The following CLDN19 variants were observed in gnomAD, a reference collection of about 807,000 sequenced individuals.
The protein encoded by CLDN19 is claudin 19.
Under a neutral mutation model 24.5 loss-of-function variants are expected in CLDN19, and 19 were observed. That is an observed-to-expected ratio of 0.78 (90% confidence interval 0.54 to 1.14). The LOEUF (loss-of-function observed/expected upper bound fraction) is 1.14. Ranked by LOEUF, CLDN19 falls within the 50% of genes most tolerant of loss-of-function variation. CLDN19 has a pLI of 0.00. For synonymous variants in CLDN19, 117 were observed against 129.6 expected, an observed-to-expected ratio of 0.90 and a Z score of 0.66; for missense variants, 250 against 295.9, an observed-to-expected ratio of 0.84 and a Z score of 1.14.
chr1:42,739,976 A>G lies in CLDN19; in HGVS notation c.88T>C (p.Trp30Arg). 1 of 1,595,690 alleles carries G rather than the reference A, an allele frequency of 6.3e-7. No individual in the cohort carries two copies. Among genetic ancestry groups the G allele is most frequent in the Non-Finnish European group, 8.5e-7 (1 of 1,171,112 alleles). Residue 30 changes from tryptophan to arginine, a missense_variant, in exon 1 of 5, where the codon TGG becomes CGG. Trp to Arg is a moderately radical substitution (Grantham distance 101). Coordinates refer to ENST00000296387, the MANE Select transcript of CLDN19 (RefSeq NM_148960.3). ...TCGCCTGCGTAGGAAGACTGCTTCC[A>G]CTGTGGCAGGGCTGTGCTAGCAATG... Reference protein sequence around the residue: ...GIIASTALPQWKQSSYAGDAI... With the variant: ...GIIASTALPQRKQSSYAGDAI...
Position 42,736,003 on chromosome 1 carries a change from C to G in CLDN19, c.501G>C (p.Val167=). ...ARYEFGPALF[V]GWASAGLAVL... ...CGGCCAGGCCAGCTGAGGCCCAGCCCACGAACAGGGCTGGGCCAAATTCAT... is the reference window on the plus strand; with the variant it reads ...CGGCCAGGCCAGCTGAGGCCCAGCCGACGAACAGGGCTGGGCCAAATTCAT... Residue 167 remains valine (V), a synonymous_variant, in exon 4 of 5, where the codon GTG becomes GTC. Coordinates refer to ENST00000296387, the MANE Select transcript of CLDN19 (RefSeq NM_148960.3). 6.3e-7 allele frequency: 1 copy of G among 1,576,522 alleles called. No homozygotes were observed. Among genetic ancestry groups the G allele is most frequent in the South Asian group, 1.2e-5 (1 of 86,066 alleles).
chr1:42,735,227 C>T (rs1651320439), intron 4 of CLDN19, 93 bp from the exon 5 acceptor site: 2 of 1,583,800 alleles, frequency 1.3e-6, no homozygotes, highest in South Asian at 2.3e-5. Context: ...GGGTACTGGC[C>T]AGCGTGGCCA....
chr1:42,739,836 C>A lies in CLDN19; in HGVS notation c.223+5G>T. On this transcript the variant is annotated splice_donor_5th_base_variant and intron_variant, in intron 1 of 4. Transcript: ENST00000296387. ...CATCTCCCACCCCGCCGGCCTGGGG[C>A]CTACCGTCCAGGGCGAGCAGCGAGT... 1 of 1,612,236 alleles carries A rather than the reference C, an allele frequency of 6.2e-7. No individual in the cohort carries two copies. The highest frequency in any genetic ancestry group is 1.1e-5 in the South Asian group (1 of 90,894).
At chr1:42,736,972 C>T (rs1318570194) in intron 3 of CLDN19, among the ~76,000 whole-genome samples, 1 of 152,178 alleles carries the variant, frequency 6.6e-6, no homozygotes, top group Non-Finnish European at 1.5e-5. Context: ...CCTTGCCTCT[C>T]AACACCTCTG....
intron 1 of CLDN19, among the ~76,000 whole-genome samples, chr1:42,739,585 G>C (rs1651483659): frequency 6.6e-6 from 1 of 152,304 alleles, no homozygotes; most frequent in East Asian, 1.9e-4. Flanking sequence ...ATGGGAAGAG[G>C]TTTGGTGACT....
chr1:42,738,895 C>T (rs1651461172), intron 1 of CLDN19, among the ~76,000 whole-genome samples: 1 of 152,130 alleles, frequency 6.6e-6, no homozygotes, highest in African/African-American at 2.4e-5. Context: ...GGCCCATCCT[C>T]CCAAGCAGCT....
Position 42,734,948 on chromosome 1 carries a change from C to G in CLDN19, c.*138G>C. 1 of 742,910 alleles carries G rather than the reference C, an allele frequency of 1.3e-6. No homozygotes were observed. Among genetic ancestry groups the G allele is most frequent in the African/African-American group, 1.7e-5 (1 of 57,766 alleles). The allele number at this position is 742,910 out of a possible 1,614,324, so 46.0% of individuals were successfully genotyped here. A position where few individuals can be genotyped will look rare whatever the true frequency, so the allele number is the denominator to read the frequency against. ...GGGGTCAGCACTGACCACTCTGACA[C>G]AGGCCCCGTCCAAGCCACGCTGAGG... is the stretch of plus-strand genomic sequence containing the variant. On this transcript the variant is annotated 3_prime_UTR_variant, in exon 5 of 5. Coordinates refer to ENST00000296387, the MANE Select transcript of CLDN19 (RefSeq NM_148960.3).
intron 1 of CLDN19, among the ~76,000 whole-genome samples, chr1:42,738,861 G>A (rs1258619299): frequency 6.6e-6 from 1 of 152,110 alleles, no homozygotes; most frequent in Non-Finnish European, 1.5e-5. Flanking sequence ...TTGCTTTCTG[G>A]CCTGGGGACT....
chr1:42,737,722 A>G (rs1000254006), intron 3 of CLDN19, among the ~76,000 whole-genome samples: 3 of 152,192 alleles, frequency 2.0e-5, no homozygotes, highest in Non-Finnish European at 4.4e-5. Context: ...TCACTCTGTC[A>G]CCCAGACTGG....
At chr1:42,735,371 C>T in intron 4 of CLDN19, 1 of 1,435,264 alleles carries the variant, frequency 7.0e-7, no homozygotes, top group South Asian at 1.5e-5. Flanking sequence ...AAACTCAGAC[C>T]CTCCCTGTCC....
At position 42,738,408 on chromosome 1, in the gene CLDN19, G is replaced by A; in HGVS notation, c.388+13C>T. 1 of 1,613,908 alleles carries A rather than the reference G, an allele frequency of 6.2e-7. No homozygotes were observed. The highest frequency in any genetic ancestry group is 1.1e-5 in the South Asian group (1 of 91,080). On this transcript the variant is annotated intron_variant, in intron 2 of 4. Coordinates refer to ENST00000296387, the MANE Select transcript of CLDN19 (RefSeq NM_148960.3). ...GCCATGGTTGTGATTGTGCAGGAGTGAGGGGCACTCACCTGCCAGGATGAA... is the reference window on the plus strand; with the variant it reads ...GCCATGGTTGTGATTGTGCAGGAGTAAGGGGCACTCACCTGCCAGGATGAA...
In CLDN19 at chr1:42,735,154, G is replaced by T. The variant is rs374216538; in HGVS notation, c.627-20C>A. 61 of 1,613,818 alleles carry T rather than the reference G, an allele frequency of 3.8e-5. No individual in the cohort carries two copies. The highest frequency in any genetic ancestry group is 4.8e-5 in the Non-Finnish European group (57 of 1,179,916). ...ACTGGTCTGAAAGTCAAAAGAGAGA[G>T]AGCTGGTTAGTGGAGTGAGCTGTGG... On this transcript the variant is annotated intron_variant, in intron 4 of 4. Coordinates refer to ENST00000296387, the MANE Select transcript of CLDN19 (RefSeq NM_148960.3).
chr1:42,738,087 C>A, intron 3 of CLDN19, 142 bp downstream of exon 3: 1 of 785,480 alleles, frequency 1.3e-6, no homozygotes, highest in Non-Finnish European at 2.2e-6. Flanking sequence ...AGGGCCCCAC[C>A]ACACTCCTCC....
At chr1:42,738,006 C>G (rs1651426209) in intron 3 of CLDN19, among the ~76,000 whole-genome samples, 2 of 152,220 alleles carry the variant, frequency 1.3e-5, no homozygotes, top group South Asian at 4.1e-4. Context: ...AAACCCAGAG[C>G]CAGGGCACTT....
chr1:42,735,751 G>A (rs1651342944), intron 4 of CLDN19, 127 bp downstream of exon 4: 5 of 1,504,588 alleles, frequency 3.3e-6, no homozygotes, highest in African/African-American at 1.4e-5. Context: ...AGGACAAGCT[G>A]CTCAGAGCAC....
chr1:42,737,193 G>A (rs534814044), intron 3 of CLDN19, among the ~76,000 whole-genome samples: 1 of 152,292 alleles, frequency 6.6e-6, no homozygotes, highest in South Asian at 2.1e-4. Flanking sequence ...AGTCTTACAA[G>A]TCCTGGTTAT....
chr1:42,735,667 C>T, intron 4 of CLDN19: 1 of 1,440,694 alleles, frequency 6.9e-7, no homozygotes. Context: ...GTGTGTATGC[C>T]TGGGGGCTGG....
Position 42,738,713 on chromosome 1 carries a change from C to G in CLDN19, c.224-128G>C, listed in dbSNP as rs1210506743. On this transcript the variant is annotated intron_variant, in intron 1 of 4. Transcript: ENST00000296387. ...GAGCTGGCCTGGGGGGTCAGACCACCTTCTGGCAGGTGCAGGATAGTGAGG... is the reference window on the plus strand; with the variant it reads ...GAGCTGGCCTGGGGGGTCAGACCACGTTCTGGCAGGTGCAGGATAGTGAGG... 1.1e-5 allele frequency: 9 copies of G among 816,652 alleles called. No homozygotes were observed. In the South Asian group the frequency reaches 1.5e-4, roughly 13 times the overall value. The allele number at this position is 816,652 out of a possible 1,614,324, so 50.6% of individuals were successfully genotyped here. A position where few individuals can be genotyped will look rare whatever the true frequency, so the allele number is the denominator to read the frequency against.
rs940921614 is a variant in CLDN19, at chr1:42,734,737, G to A, written c.*349C>T. 1 of 257,878 alleles carries A rather than the reference G, an allele frequency of 3.9e-6. No homozygotes were observed. Among genetic ancestry groups the A allele is most frequent in the Non-Finnish European group, 7.6e-6 (1 of 131,630 alleles). 16.0% of individuals were successfully genotyped at this position (257,878 alleles called of 1,614,324 possible). A position where few individuals can be genotyped will look rare whatever the true frequency, so the allele number is the denominator to read the frequency against. ...TCCTAGAGCTGGGCCAAGCCTCAGGGGCAGCCTCCAGGAGTGAGTGGGATC... is the reference window on the plus strand; with the variant it reads ...TCCTAGAGCTGGGCCAAGCCTCAGGAGCAGCCTCCAGGAGTGAGTGGGATC... On this transcript the variant is annotated 3_prime_UTR_variant, in exon 5 of 5. Coordinates refer to ENST00000296387, the MANE Select transcript of CLDN19 (RefSeq NM_148960.3).
Sources: allele counts gnomAD v4.1 joint callset (sites outside exome capture counted in the v4.1 genomes callset), GRCh38; gene constraint gnomAD v4.1.1; transcripts MANE v1.5; gene names NCBI Gene and HGNC (gene_info 2026-07-23, HGNC 2026-07-21).